The following COL1A2 variants were observed in gnomAD, a reference collection of about 807,000 sequenced individuals.
COL1A2 encodes the protein collagen alpha-2(I) chain.
COL1A2 carries 49 observed loss-of-function variants against 174.3 expected under a neutral mutation model. That is an observed-to-expected ratio of 0.28 (90% confidence interval 0.22 to 0.36). The LOEUF is 0.36. Among genes scored for constraint, COL1A2 ranks in the 10% least tolerant of loss-of-function variants. The pLI, the probability that COL1A2 is intolerant of heterozygous loss-of-function variation, is 1.00. For missense variants in COL1A2, 1,438 were observed against 1,822.7 expected (o/e 0.79, Z 3.84); for synonymous variants, 655 against 606.6 (o/e 1.08, Z -1.17).
chr7:94,407,937 T>C (rs1791836147), intron 13 of COL1A2, 46 bp downstream of exon 13: 2 of 1,534,582 alleles, frequency 1.3e-6, no homozygotes, highest in Non-Finnish European at 1.8e-6. Context: ...GTACACTCTT[T>C]ATGAGATGGA....
chr7:94,416,851 TCATCC>T, intron 31 of COL1A2: 1 of 214,872 alleles, frequency 4.7e-6, no homozygotes, highest in South Asian at 8.5e-5. Context: ...TCTTAACATC[TCATCC>T]CATAGAGTAA....
intron 1 of COL1A2, chr7:94,395,351 G>A: frequency 1.8e-6 from 1 of 549,388 alleles, no homozygotes; most frequent in Non-Finnish European, 3.4e-6. Context: ...ACTCGGTCTG[G>A]CTCCTCAGCT....
intron 1 of COL1A2, among the ~76,000 whole-genome samples, chr7:94,397,240 A>G (rs988610153): frequency 4.6e-5 from 7 of 152,196 alleles, no homozygotes; most frequent in Non-Finnish European, 1.0e-4. Flanking sequence ...GGTAACTTCA[A>G]TGTTTTATAA....
intron 5 of COL1A2, 75 bp downstream of exon 5, chr7:94,400,363 G>A: frequency 1.6e-6 from 2 of 1,245,630 alleles, no homozygotes; most frequent in East Asian, 2.3e-5. Context: ...TTTATTTTTA[G>A]CAGTTAAGGG....
intron 26 of COL1A2, 36 bp downstream of exon 26, chr7:94,413,172 G>A (rs1310475587): frequency 1.3e-6 from 2 of 1,596,060 alleles, no homozygotes; most frequent in East Asian, 2.2e-5. Context: ...TATTCACATA[G>A]CATTCATCTA....
intron 1 of COL1A2, among the ~76,000 whole-genome samples, chr7:94,397,458 C>A (rs915273693): frequency 2.0e-5 from 3 of 151,964 alleles, no homozygotes; most frequent in Non-Finnish European, 4.4e-5. Flanking sequence ...TTCAAAATAT[C>A]CTTCAGACAC....
At chr7:94,410,003 C>A (rs1451088997) in intron 19 of COL1A2, among the ~76,000 whole-genome samples, 182 bp downstream of exon 19, 1 of 152,128 alleles carries the variant, frequency 6.6e-6, no homozygotes, top group Non-Finnish European at 1.5e-5. Flanking sequence ...CAGACATGCC[C>A]TTCCTGTTAT....
In COL1A2 at chr7:94,406,287, G is replaced by A. The variant is rs72656371; in HGVS notation, c.578G>A (p.Gly193Asp). ...CTGGATGGATTGAAGGGACAGCCCG[G>A]TGCTCCTGGTGTGAAGGTAAATATT... is the stretch of plus-strand genomic sequence containing the variant. ...NGLDGLKGQPGAPGVKGEPGA... is the reference protein window; with the variant it reads ...NGLDGLKGQPDAPGVKGEPGA... The change falls in exon 12 of 52, where the codon GGT becomes GAT. Residue 193 changes from glycine (G) to aspartate (D), a missense_variant. Coordinates refer to ENST00000297268, the MANE Select transcript of COL1A2 (RefSeq NM_000089.4). 6.2e-7 allele frequency: 1 copy of A among 1,613,932 alleles called. No homozygotes were observed. Among genetic ancestry groups the A allele is most frequent in the Non-Finnish European group, 8.5e-7 (1 of 1,179,862 alleles).
Position 94,424,781 on chromosome 7 carries a change from C to T in COL1A2, c.2674-336C>T, listed in dbSNP as rs550579170. The stretch of plus-strand genomic sequence containing the variant: ...GAATGAAACTCTGGAAGTTCTGAAT[C>T]GTTCCATTAAACCTTATACGTGACA... On this transcript the variant is annotated intron_variant, in intron 41 of 51. Coordinates refer to ENST00000297268, the MANE Select transcript of COL1A2 (RefSeq NM_000089.4). 243 of 460,634 alleles carry T rather than the reference C, an allele frequency of 5.3e-4. 3 individuals carry two copies. The highest frequency in any genetic ancestry group is 4.6e-3 in the South Asian group (206 of 44,848). The allele number at this position is 460,634 out of a possible 1,614,324, so 28.5% of individuals were successfully genotyped here. A position where few individuals can be genotyped will look rare whatever the true frequency, so the allele number is the denominator to read the frequency against.
At chr7:94,408,923 A>T in intron 16 of COL1A2, 100 bp downstream of exon 16, 1 of 1,124,146 alleles carries the variant, frequency 8.9e-7, no homozygotes, top group Non-Finnish European at 1.3e-6. Flanking sequence ...ATTACGAAAC[A>T]GTTACCTTAA....
At chr7:94,398,316 G>T in intron 2 of COL1A2, 66 bp from the exon 3 acceptor site, 1 of 535,400 alleles carries the variant, frequency 1.9e-6, no homozygotes, top group East Asian at 5.1e-5. Flanking sequence ...ACACCAAAAT[G>T]GAAGCTGTTT....
rs1792250837 is a variant in COL1A2 at position 94,425,320 on chromosome 7, T to TA, written c.2781+96_2781+97insA. ...CTGAGGTTCTCTTCTTCCAAATTTC[T>TA]GAACAAGATGGTCAGCTTCTCCATA... is the stretch of plus-strand genomic sequence containing the variant. On this transcript the variant is annotated intron_variant, in intron 42 of 51. Transcript: ENST00000297268. 6 of 1,189,664 alleles carry TA rather than the reference T, an allele frequency of 5.0e-6. No homozygotes were observed. The Admixed American group carries it at 1.2e-4, about 23-fold the overall frequency. The allele number at this position is 1,189,664 out of a possible 1,614,324, so 73.7% of individuals were successfully genotyped here.
At chr7:94,413,778 C>G in intron 27 of COL1A2, 35 bp downstream of exon 27, 1 of 1,612,796 alleles carries the variant, frequency 6.2e-7, no homozygotes, top group Non-Finnish European at 8.5e-7. Context: ...CTCTTCTGCA[C>G]TAGAATGTAT....
chr7:94,425,807 C>T lies in COL1A2; in HGVS notation c.2893C>T (p.Pro965Ser), dbSNP rs764142891. ...GPVGAAGAPG[P>S]HGPVGPAGKH... is the part of the protein sequence containing the mutation. ...CGTTGGTGCTGCAGGTGCACCTGGT[C>T]CTCATGGCCCCGTGGGTCCTGCTGG... is the stretch of plus-strand genomic sequence containing the variant. The change falls in exon 44 of 52, where the codon CCT becomes TCT. Residue 965 changes from proline to serine, a missense_variant. Around this residue, in one of 3 missense-constraint regions of COL1A2, gnomAD observed 867 missense variants for 1,213.7 expected, o/e 0.71. Transcript: ENST00000297268. 6.2e-7 allele frequency: 1 copy of T among 1,612,794 alleles called. No homozygotes were observed.
At chr7:94,400,134 T>C (rs765294984) in intron 4 of COL1A2, 62 bp from the exon 5 acceptor site, 2 of 1,477,914 alleles carry the variant, frequency 1.4e-6, no homozygotes, top group Non-Finnish European at 1.9e-6. Flanking sequence ...TCTTACCACA[T>C]ATAATTCTTA....
intron 3 of COL1A2, 122 bp downstream of exon 3, chr7:94,398,518 A>G: frequency 2.6e-6 from 1 of 379,902 alleles, no homozygotes; most frequent in South Asian, 4.6e-5. Flanking sequence ...ATGAATATAC[A>G]TTAGCTAAAG....
At position 94,430,276 on chromosome 7, in the gene COL1A2, C is replaced by T; in HGVS notation, c.3984C>T (p.Ile1328=). The change falls in exon 52 of 52, where the codon ATC becomes ATT. Residue 1328 remains isoleucine, a synonymous_variant. Coordinates refer to ENST00000297268, the MANE Select transcript of COL1A2 (RefSeq NM_000089.4). Reference sequence around the variant, plus strand: ...AGACAAATGAATGGGGAAAGACAATCATTGAATACAAAACAAATAAGCCAT... The same window carrying T: ...AGACAAATGAATGGGGAAAGACAATTATTGAATACAAAACAAATAAGCCAT... ...SKKTNEWGKT[I]IEYKTNKPSR... 1 of 1,613,992 alleles carries T rather than the reference C, an allele frequency of 6.2e-7. No homozygotes were observed.
rs143041120 is a variant in COL1A2, at chr7:94,407,831, A to G, written c.595-16A>G. ...GTTATATTTAATGAACAAAAACTCAATCCTTCTCCATGTAGGGTGAACCTG... is the reference window on the plus strand; with the variant it reads ...GTTATATTTAATGAACAAAAACTCAGTCCTTCTCCATGTAGGGTGAACCTG... On this transcript the variant is annotated splice_polypyrimidine_tract_variant and intron_variant, in intron 12 of 51. Coordinates refer to ENST00000297268, the MANE Select transcript of COL1A2 (RefSeq NM_000089.4). 8.6e-5 allele frequency: 139 copies of G among 1,613,360 alleles called. No individual in the cohort carries two copies. In the African/African-American group the frequency reaches 1.4e-3, roughly 17 times the overall value.
chr7:94,398,088 T>C (rs1791617322), intron 2 of COL1A2, among the ~76,000 whole-genome samples: 1 of 152,134 alleles, frequency 6.6e-6, no homozygotes, highest in Admixed American at 6.5e-5. Flanking sequence ...TTCACTCCTT[T>C]GGAATTATTT....
Sources: gnomAD v4.1 joint callset for allele counts (sites outside exome capture counted in the v4.1 genomes callset) on GRCh38, gnomAD v4.1.1 for gene constraint, gnomAD v4.1.1 regional missense constraint, MANE v1.5 for transcripts, NCBI Gene and HGNC (gene_info 2026-07-23, HGNC 2026-07-21) for gene names.